The following CLSTN2 variants were observed in gnomAD, a reference collection of about 807,000 sequenced individuals.
The protein encoded by CLSTN2 is calsyntenin-2.
A neutral mutation model predicts 101.2 loss-of-function variants in CLSTN2; 48 were observed. That is an observed-to-expected ratio of 0.47 (90% CI 0.38 to 0.60). The LOEUF (loss-of-function observed/expected upper bound fraction) is 0.60. Among genes scored for constraint, CLSTN2 ranks in the 20% least tolerant of loss-of-function variants. The pLI is 0.00. For synonymous variants in CLSTN2, 481 were observed against 463.6 expected (o/e 1.04, Z -0.48); for missense variants, 1,160 against 1,238.2 (o/e 0.94, Z 0.95).
intron 2 of CLSTN2, among the ~76,000 whole-genome samples, chr3:140,312,848 T>C (rs968668308): frequency 3.3e-5 from 5 of 152,204 alleles, no homozygotes; most frequent in African/African-American, 7.2e-5. Flanking sequence ...GTTTTGAAAA[T>C]TGAGAGCAAA....
chr3:140,205,584 A>G (rs1159574245), intron 2 of CLSTN2, among the ~76,000 whole-genome samples: 1 of 142,536 alleles, frequency 7.0e-6, no homozygotes, highest in Non-Finnish European at 1.5e-5. Flanking sequence ...AGGAGGATTG[A>G]GGATTGGGTA....
intron 2 of CLSTN2, among the ~76,000 whole-genome samples, chr3:140,288,450 C>G (rs1012081293): frequency 1.3e-5 from 2 of 152,244 alleles, no homozygotes; most frequent in East Asian, 3.9e-4. Context: ...ATTGCAATCA[C>G]TAAACACCAT....
At chr3:140,177,635 A>G (rs907651957) in intron 2 of CLSTN2, among the ~76,000 whole-genome samples, 1 of 151,984 alleles carries the variant, frequency 6.6e-6, no homozygotes, top group African/African-American at 2.4e-5. Context: ...ACAAAATAAT[A>G]ATAATAATAA....
chr3:140,366,858 A>G (rs1057110695), intron 2 of CLSTN2, among the ~76,000 whole-genome samples: 2 of 152,206 alleles, frequency 1.3e-5, no homozygotes, highest in African/African-American at 4.8e-5. Flanking sequence ...AATGTTGAAG[A>G]GCCGATGTCC....
intron 2 of CLSTN2, among the ~76,000 whole-genome samples, chr3:140,337,700 G>A (rs1430604336): frequency 6.6e-6 from 1 of 152,148 alleles, no homozygotes; most frequent in East Asian, 1.9e-4. Flanking sequence ...CTTGCCTTCA[G>A]TAGGATTTCT....
intron 1 of CLSTN2, among the ~76,000 whole-genome samples, chr3:140,133,016 T>A (rs527668128): frequency 2.0e-5 from 3 of 152,316 alleles, no homozygotes; most frequent in African/African-American, 2.4e-5. Context: ...TTTATTTTTT[T>A]TAAAAAAGAG....
At chr3:139,986,014 G>C (rs967065802) in intron 1 of CLSTN2, among the ~76,000 whole-genome samples, 11 of 152,152 alleles carry the variant, frequency 7.2e-5, no homozygotes, top group Non-Finnish European at 8.8e-5. Flanking sequence ...CAGGTGTTTA[G>C]CTGGATATCA....
intron 2 of CLSTN2, among the ~76,000 whole-genome samples, chr3:140,209,169 G>C (rs2010822688): frequency 6.6e-6 from 1 of 152,190 alleles, no homozygotes. Context: ...TATGATGTAT[G>C]CATTATGATT....
chr3:140,236,449 T>C (rs894990336), intron 2 of CLSTN2, among the ~76,000 whole-genome samples: 33 of 152,174 alleles, frequency 2.2e-4, no homozygotes, highest in African/African-American at 7.5e-4. Flanking sequence ...TTGATTTTGA[T>C]GTATTTTGTG....
rs748279900 is a variant in CLSTN2, at chr3:140,532,404, T to G, written c.1425T>G (p.Tyr475Ter). 6.2e-7 allele frequency: 1 copy of G among 1,613,864 alleles called. No homozygotes were observed. The highest frequency in any genetic ancestry group is 8.5e-7 in the Non-Finnish European group (1 of 1,179,870). Reference sequence around the variant, plus strand: ...CCTTATACATGGATGGAGCAACATATGAACCATACCTGGTGACCAACGACT... The same window carrying G: ...CCTTATACATGGATGGAGCAACATAGGAACCATACCTGGTGACCAACGACT... ...VVTLYMDGAT[Y>*]EPYLVTNDWP... Residue 475 changes from tyrosine (Y) to a stop codon, truncating the protein, a stop_gained, in exon 9 of 17, where the codon TAT becomes TAG. Coordinates refer to ENST00000458420, the MANE Select transcript of CLSTN2 (RefSeq NM_022131.3). LOFTEE classifies it high-confidence loss of function.
At chr3:140,555,761 C>T (rs1935779412) in intron 10 of CLSTN2, among the ~76,000 whole-genome samples, 1 of 152,092 alleles carries the variant, frequency 6.6e-6, no homozygotes, top group African/African-American at 2.4e-5. Context: ...TGCCTCATTC[C>T]AAGAAGAGTA....
At chr3:140,250,318 C>T (rs1412481449) in intron 2 of CLSTN2, among the ~76,000 whole-genome samples, 4 of 152,254 alleles carry the variant, frequency 2.6e-5, no homozygotes, top group African/African-American at 9.6e-5. Context: ...TTTGGGAATC[C>T]ATACATCAAG....
chr3:140,515,643 CAGG>C (rs1316660684), intron 8 of CLSTN2, among the ~76,000 whole-genome samples: 3 of 152,002 alleles, frequency 2.0e-5, no homozygotes, highest in African/African-American at 7.2e-5. Flanking sequence ...CATTCAGGAG[CAGG>C]TTATTTAATT....
chr3:139,997,351 C>CACAT (rs3065261), intron 1 of CLSTN2, among the ~76,000 whole-genome samples: 6,679 of 151,830 alleles, frequency 0.044, 164 homozygotes, highest in Non-Finnish European at 0.052. Context: ...GTCAGAAAGA[C>CACAT]GCAAACACAC....
At chr3:140,402,315 C>T (rs2088251865) in intron 2 of CLSTN2, among the ~76,000 whole-genome samples, 2 of 152,180 alleles carry the variant, frequency 1.3e-5, no homozygotes, top group African/African-American at 4.8e-5. Context: ...ATAGAAAGTA[C>T]ATGGACTTAG....
At chr3:140,450,600 C>T (rs1256458567) in intron 6 of CLSTN2, among the ~76,000 whole-genome samples, 1 of 152,152 alleles carries the variant, frequency 6.6e-6, no homozygotes, top group Non-Finnish European at 1.5e-5. Flanking sequence ...AACTGCATCT[C>T]CTCCAAAAGA....
At chr3:140,174,334 T>C (rs999560088) in intron 1 of CLSTN2, among the ~76,000 whole-genome samples, 2 of 152,216 alleles carry the variant, frequency 1.3e-5, no homozygotes, top group African/African-American at 4.8e-5. Flanking sequence ...CTGGAGCTTA[T>C]TGCCCATATC....
rs557952157 is a variant in CLSTN2, at chr3:140,372,675, A to G, written c.233-30954A>G. ...AAAATGGTGAGATGGCCATTTGACC[A>G]TCTATCTTAAGCATACCCTGTGAAG... On this transcript the variant is annotated intron_variant, in intron 2 of 16. Coordinates refer to ENST00000458420, the MANE Select transcript of CLSTN2 (RefSeq NM_022131.3). Among the ~76,000 whole-genome samples, 12 of 152,292 alleles carry G rather than the reference A, an allele frequency of 7.9e-5. No individual in the cohort carries two copies. In the South Asian group the frequency reaches 1.7e-3, roughly 21 times the overall value.
intron 2 of CLSTN2, among the ~76,000 whole-genome samples, chr3:140,305,054 A>ACT (rs1165522955): frequency 1.9e-3 from 219 of 118,188 alleles, no homozygotes; most frequent in South Asian, 0.017. Context: ...ACACACACAC[A>ACT]CTCTCTCTCT....
Sources: gnomAD v4.1 joint callset for allele counts (sites outside exome capture counted in the v4.1 genomes callset) on GRCh38, gnomAD v4.1.1 for gene constraint, MANE v1.5 for transcripts, NCBI Gene and HGNC (gene_info 2026-07-23, HGNC 2026-07-21) for gene names.